Variants in NAV2 observed in about 807,000 individuals in gnomAD.
NAV2 encodes the protein helicase, APC down-regulated 1.
In NAV2, 54 loss-of-function variants were observed where a neutral mutation model predicts 223.2. That is an observed-to-expected ratio of 0.24 (90% CI 0.19 to 0.30). The LOEUF is 0.30. Ranked by LOEUF, NAV2 falls within the 10% of genes least tolerant of loss-of-function variation. The pLI, the probability that NAV2 is intolerant of heterozygous loss-of-function variation, is 1.00. For missense variants in NAV2, 2,806 were observed against 3,147.5 expected, an observed-to-expected ratio of 0.89 and a Z score of 2.60; for synonymous variants, 1,279 against 1,239.3, an observed-to-expected ratio of 1.03 and a Z score of -0.67.
intron 1 of NAV2, among the ~76,000 whole-genome samples, chr11:19,622,787 A>G (rs375686154): frequency 5.6e-4 from 86 of 152,294 alleles, no homozygotes; most frequent in Middle Eastern, 6.8e-3. Context: ...ATTGTCATGT[A>G]TGAATTTGAT....
chr11:19,904,776 C>T (rs983406150), intron 6 of NAV2, among the ~76,000 whole-genome samples: 2 of 152,130 alleles, frequency 1.3e-5, no homozygotes, highest in African/African-American at 4.8e-5. Context: ...TGAATAGGCT[C>T]TCTTGAGAGT....
chr11:19,493,545 C>T (rs1439252448), intron 1 of NAV2, among the ~76,000 whole-genome samples: 1 of 152,168 alleles, frequency 6.6e-6, no homozygotes, highest in Non-Finnish European at 1.5e-5. Flanking sequence ...AAAAGCTCGG[C>T]ATCCCTGAGC....
At chr11:20,050,918 T>C (rs997321369) in intron 16 of NAV2, among the ~76,000 whole-genome samples, 1 of 152,226 alleles carries the variant, frequency 6.6e-6, no homozygotes, top group African/African-American at 2.4e-5. Flanking sequence ...CATCCCTCTC[T>C]CTGAGAAGCC....
At chr11:19,750,162 T>C (rs1213601252) in intron 1 of NAV2, among the ~76,000 whole-genome samples, 2 of 152,190 alleles carry the variant, frequency 1.3e-5, no homozygotes, top group African/African-American at 4.8e-5. Context: ...ACATTGATCA[T>C]TTTCACCTTC....
intron 1 of NAV2, among the ~76,000 whole-genome samples, chr11:19,752,300 A>G (rs2053891302): frequency 6.6e-6 from 1 of 152,038 alleles, no homozygotes; most frequent in African/African-American, 2.4e-5. Context: ...CTGTGCACTT[A>G]TTTTCACCTG....
rs112927936 is a variant in NAV2, at chr11:19,814,111, C to T, written c.268-18373C>T. Reference sequence around the variant, plus strand: ...TTAGAGCAGGTAGAGAAAGATCTGTCTGGACATTGTTGGTGGCCTGAGAAA... The same window carrying T: ...TTAGAGCAGGTAGAGAAAGATCTGTTTGGACATTGTTGGTGGCCTGAGAAA... On this transcript the variant is annotated intron_variant, in intron 1 of 37. Coordinates refer to ENST00000349880, the MANE Select transcript of NAV2 (RefSeq NM_145117.5). 3.0e-3 allele frequency among the ~76,000 whole-genome samples: 460 copies of T among 152,234 alleles called. 1 individual carries two copies. The highest frequency in any genetic ancestry group is 0.01 in the African/African-American group (428 of 41,530).
At chr11:19,741,497 C>CTTT (rs71050682) in intron 1 of NAV2, among the ~76,000 whole-genome samples, 26 of 114,898 alleles carry the variant, frequency 2.3e-4, no homozygotes, top group East Asian at 5.0e-4. Flanking sequence ...TTCTTTCTTT[C>CTTT]TTTTTTTTTT....
chr11:19,396,546 A>G (rs1459850515), intron 1 of NAV2, among the ~76,000 whole-genome samples: 5 of 152,160 alleles, frequency 3.3e-5, no homozygotes, highest in Non-Finnish European at 7.4e-5. Flanking sequence ...AGATCCATGA[A>G]GTCTGTTGCA....
At chr11:19,423,886 A>G (rs1850716980) in intron 1 of NAV2, among the ~76,000 whole-genome samples, 1 of 152,136 alleles carries the variant, frequency 6.6e-6, no homozygotes, top group African/African-American at 2.4e-5. Flanking sequence ...ATAACTAGGA[A>G]GTTCTCTAGG....
intron 1 of NAV2, among the ~76,000 whole-genome samples, chr11:19,365,946 C>T (rs1488358191): frequency 1.3e-5 from 2 of 152,202 alleles, no homozygotes; most frequent in Non-Finnish European, 2.9e-5. Context: ...AGTGAAAGCC[C>T]AAAGGGAGAG....
At chr11:19,730,630 C>T (rs924882129) in intron 1 of NAV2, among the ~76,000 whole-genome samples, 3 of 152,186 alleles carry the variant, frequency 2.0e-5, no homozygotes, top group South Asian at 2.1e-4. Context: ...GGGTGGGCTC[C>T]GCATAACTCC....
chr11:19,480,698 A>T (rs896442742), intron 1 of NAV2, among the ~76,000 whole-genome samples: 1 of 152,226 alleles, frequency 6.6e-6, no homozygotes, highest in African/African-American at 2.4e-5. Context: ...CACAGCATAC[A>T]TTAAATATGG....
chr11:19,999,776 G>A (rs1591603309), intron 11 of NAV2, among the ~76,000 whole-genome samples: 1 of 152,192 alleles, frequency 6.6e-6, no homozygotes, highest in African/African-American at 2.4e-5. Context: ...TCTTCATCGG[G>A]CTGCTGTGAA....
intron 1 of NAV2, among the ~76,000 whole-genome samples, chr11:19,459,822 G>A (rs1191222847): frequency 6.6e-6 from 1 of 152,112 alleles, no homozygotes; most frequent in African/African-American, 2.4e-5. Context: ...CTAGGTCTTG[G>A]GAGCCACAGA....
chr11:19,438,308 T>C (rs565943554), intron 1 of NAV2, among the ~76,000 whole-genome samples: 1 of 152,306 alleles, frequency 6.6e-6, no homozygotes, highest in African/African-American at 2.4e-5. Context: ...GAAGATTAAG[T>C]AGCAGTCATC....
chr11:19,911,645 C>CT (rs981162376), intron 6 of NAV2, among the ~76,000 whole-genome samples: 2 of 152,056 alleles, frequency 1.3e-5, no homozygotes, highest in African/African-American at 2.4e-5. Context: ...TCACCTCACT[C>CT]TAAGAATTCT....
At chr11:19,466,884 A>T (rs1441287876) in intron 1 of NAV2, among the ~76,000 whole-genome samples, 1 of 152,130 alleles carries the variant, frequency 6.6e-6, no homozygotes, top group Non-Finnish European at 1.5e-5. Flanking sequence ...TTGCTACAAA[A>T]ATGGGATTTT....
At chr11:20,010,273 T>TG (rs145719136) in intron 11 of NAV2, among the ~76,000 whole-genome samples, 1 of 152,082 alleles carries the variant, frequency 6.6e-6, no homozygotes, top group Non-Finnish European at 1.5e-5. Context: ...TAAGAAGGAC[T>TG]GGGGGGAAAA....
chr11:20,074,996 A>T (rs1211742184), intron 22 of NAV2, among the ~76,000 whole-genome samples: 1 of 152,010 alleles, frequency 6.6e-6, no homozygotes, highest in East Asian at 1.9e-4. Context: ...AACTGAAATC[A>T]ATGGAAATCC....
Sources: gnomAD v4.1 joint callset for allele counts (sites outside exome capture counted in the v4.1 genomes callset) on GRCh38, gnomAD v4.1.1 for gene constraint, MANE v1.5 for transcripts, NCBI Gene and HGNC (gene_info 2026-07-23, HGNC 2026-07-21) for gene names.